DAB1: variants seen among roughly 807,000 people sequenced by gnomAD.
DAB1 encodes the protein DAB adaptor protein 1.
A neutral mutation model predicts 64.6 loss-of-function variants in DAB1; 15 were observed. The ratio of observed to expected loss-of-function variants is 0.23; its 90% CI spans 0.16 to 0.36. The LOEUF (loss-of-function observed/expected upper bound fraction) is 0.36. DAB1 is among the 10% of genes least tolerant of loss of function. The probability of loss-of-function intolerance (pLI) is 1.00; values close to 1 mark genes in which losing one functional copy is unlikely to be tolerated. For missense variants in DAB1, 596 were observed against 706.7 expected (o/e 0.84, Z 1.78); for synonymous variants, 235 against 251.9 (o/e 0.93, Z 0.64).
At chr1:58,333,695 T>A (rs190203725) in intron 4 of DAB1, among the ~76,000 whole-genome samples, 1 of 152,352 alleles carries the variant, frequency 6.6e-6, no homozygotes, top group African/African-American at 2.4e-5. Context: ...AAATAACAGC[T>A]GGTTTTCACA....
rs528748032 is a variant in DAB1 at position 58,015,992 on chromosome 1, G to A, written n.388-131830C>T. Among the ~76,000 whole-genome samples, 6 of 151,588 alleles carry A rather than the reference G, an allele frequency of 4.0e-5. No individual in the cohort carries two copies. The South Asian group carries it at 1.3e-3, about 32-fold the overall frequency. ...TGCTGTCATTTTGCAGTGATGAAGG[G>A]ACACAAACAGCCTAGGGGGGGGTAG... On this transcript the variant is annotated intron_variant and non_coding_transcript_variant, in intron 5 of 20. Coordinates refer to the DAB1 transcript ENST00000485760.
chr1:57,175,780 C>G (rs1432337540), intron 2 of DAB1, among the ~76,000 whole-genome samples: 1 of 152,150 alleles, frequency 6.6e-6, no homozygotes, highest in Non-Finnish European at 1.5e-5. Context: ...TTGGACAATG[C>G]AGAGCGTACC....
intron 4 of DAB1, among the ~76,000 whole-genome samples, chr1:58,195,200 A>G (rs1186877535): frequency 1.3e-5 from 2 of 152,178 alleles, no homozygotes; most frequent in African/African-American, 2.4e-5. Context: ...ACCGCCTAGC[A>G]TATGGCAGGT....
intron 5 of DAB1, among the ~76,000 whole-genome samples, chr1:57,928,078 G>C (rs149630430): frequency 6.6e-6 from 1 of 151,642 alleles, no homozygotes. Flanking sequence ...TTTCTTTTGA[G>C]GTAAAAGTTA....
chr1:57,636,083 C>A (rs1485763585), intron 7 of DAB1, among the ~76,000 whole-genome samples: 35 of 124,544 alleles, frequency 2.8e-4, no homozygotes, highest in Non-Finnish European at 6.4e-5. Context: ...GGCAAAAGAG[C>A]GAGACACGGT....
At chr1:57,742,190 G>A (rs1258434917) in intron 6 of DAB1, among the ~76,000 whole-genome samples, 1 of 152,076 alleles carries the variant, frequency 6.6e-6, no homozygotes, top group Admixed American at 6.5e-5. Flanking sequence ...CTCAGACTCA[G>A]AACATTAGCC....
chr1:57,088,217 T>G (rs1364680854), intron 4 of DAB1, among the ~76,000 whole-genome samples: 1 of 152,146 alleles, frequency 6.6e-6, no homozygotes, highest in Non-Finnish European at 1.5e-5. Context: ...ATTACAGGCA[T>G]GCACCACCAC....
At chr1:57,496,343 G>A (rs1644230289) in intron 7 of DAB1, among the ~76,000 whole-genome samples, 1 of 152,046 alleles carries the variant, frequency 6.6e-6, no homozygotes, top group South Asian at 2.1e-4. Context: ...CTACAGGAGA[G>A]AACTTGCAAT....
intron 3 of DAB1, among the ~76,000 whole-genome samples, chr1:58,499,513 G>GATAGATAGATAGATAGATAA (rs1557442584): frequency 2.0e-5 from 3 of 149,396 alleles, no homozygotes; most frequent in Admixed American, 1.3e-4. Flanking sequence ...TAGATAAATA[G>GATAGATAGATAGATAGATAA]ATAGATAGAT....
At chr1:58,492,091 G>C (rs1645704829) in intron 3 of DAB1, among the ~76,000 whole-genome samples, 1 of 152,092 alleles carries the variant, frequency 6.6e-6, no homozygotes, top group Non-Finnish European at 1.5e-5. Context: ...AATCAAACTA[G>C]AACTCAGGAT....
At chr1:57,386,155 A>C (rs1418985435) in intron 1 of DAB1, among the ~76,000 whole-genome samples, 8 of 152,104 alleles carry the variant, frequency 5.3e-5, no homozygotes, top group Admixed American at 5.2e-4. Context: ...GGCATGTAGC[A>C]AGGACTTCAT....
At chr1:58,355,124 G>A (rs1299173238) in intron 3 of DAB1, among the ~76,000 whole-genome samples, 1 of 152,164 alleles carries the variant, frequency 6.6e-6, no homozygotes, top group Admixed American at 6.5e-5. Context: ...CTGATCTAAA[G>A]AGTTCACAGG....
chr1:56,995,111 G>A lies in DAB1; in HGVS notation c.*3033C>T, dbSNP rs1192868925. 6.6e-6 allele frequency: 1 copy of A among 152,194 alleles called. No homozygotes were observed. The highest frequency in any genetic ancestry group is 1.5e-5 in the Non-Finnish European group (1 of 68,052). 9.4% of individuals were successfully genotyped at this position (152,194 alleles called of 1,614,324 possible). A position where few individuals can be genotyped will look rare whatever the true frequency, so the allele number is the denominator to read the frequency against. ...GGGGTTTCAGGAGACACTGGGATGA[G>A]TACGAGCTATCAAAAAAGTCTTGCG... On this transcript the variant is annotated 3_prime_UTR_variant, in exon 15 of 15. Coordinates refer to ENST00000371236, the MANE Select transcript of DAB1 (RefSeq NM_001365792.1).
intron 1 of DAB1, among the ~76,000 whole-genome samples, chr1:57,831,025 T>A (rs1322109744): frequency 6.6e-6 from 1 of 152,168 alleles, no homozygotes; most frequent in Non-Finnish European, 1.5e-5. Flanking sequence ...ACCATTCTCC[T>A]GCCTTAGCCT....
chr1:57,014,505 G>A (rs1646361224), intron 12 of DAB1, among the ~76,000 whole-genome samples: 1 of 152,178 alleles, frequency 6.6e-6, no homozygotes, highest in African/African-American at 2.4e-5. Flanking sequence ...ATGAACGAAT[G>A]AATGAGCAAA....
chr1:57,581,583 T>C (rs1399824787), intron 7 of DAB1, among the ~76,000 whole-genome samples: 3 of 151,976 alleles, frequency 2.0e-5, no homozygotes, highest in South Asian at 2.1e-4. Flanking sequence ...ACTGACCTCA[T>C]TGAATTGTGG....
At chr1:57,079,288 C>T (rs1376031589) in intron 4 of DAB1, among the ~76,000 whole-genome samples, 3 of 152,118 alleles carry the variant, frequency 2.0e-5, no homozygotes, top group African/African-American at 7.2e-5. Flanking sequence ...CACTAACCCT[C>T]CTTGAGCCCA....
chr1:58,507,318 A>G (rs1646004263), intron 2 of DAB1, among the ~76,000 whole-genome samples: 1 of 151,946 alleles, frequency 6.6e-6, no homozygotes, highest in African/African-American at 2.4e-5. Context: ...TGTACTCTCA[A>G]AAAGATTTAT....
intron 7 of DAB1, among the ~76,000 whole-genome samples, chr1:57,439,766 G>A (rs1303261110): frequency 6.6e-6 from 1 of 152,010 alleles, no homozygotes; most frequent in Non-Finnish European, 1.5e-5. Context: ...TTGTGAATGA[G>A]AAACAGTAAA....
Sources: gnomAD v4.1 joint callset for allele counts (sites outside exome capture counted in the v4.1 genomes callset) on GRCh38, gnomAD v4.1.1 for gene constraint, MANE v1.5 for transcripts, NCBI Gene and HGNC (gene_info 2026-07-23, HGNC 2026-07-21) for gene names.